The following CDH7 variants were observed in gnomAD, a reference collection of about 807,000 sequenced individuals.
CDH7 encodes the protein cadherin-7.
A neutral mutation model predicts 71.8 loss-of-function variants in CDH7; 25 were observed. The observed-to-expected ratio is 0.35, with a 90% CI of 0.25 to 0.49. CDH7 has a LOEUF of 0.49. Ranked by LOEUF, CDH7 falls within the 20% of genes least tolerant of loss-of-function variation. The pLI, the probability that CDH7 is intolerant of heterozygous loss-of-function variation, is 0.99. For missense variants in CDH7, 862 were observed against 974.6 expected, an observed-to-expected ratio of 0.88 and a Z score of 1.54; for synonymous variants, 381 against 363.8, an observed-to-expected ratio of 1.05 and a Z score of -0.54.
intron 5 of CDH7, among the ~76,000 whole-genome samples, chr18:65,823,894 G>A (rs761713663): frequency 6.6e-6 from 1 of 151,726 alleles, no homozygotes; most frequent in Non-Finnish European, 1.5e-5. Flanking sequence ...AGCATGCTGC[G>A]GTGTTTCGTC....
Position 65,889,864 on chromosome 18 carries a change from G to A in CDH7, c.*8970G>A, listed in dbSNP as rs866882605. ...AACATAAGGGACAAGGATAAAATAC[G>A]GAGTTTAACGTGCTTATAACCAGTG... On this transcript the variant is annotated 3_prime_UTR_variant, in exon 12 of 12. Coordinates refer to ENST00000397968, the MANE Select transcript of CDH7 (RefSeq NM_004361.5). The A allele has an allele frequency of 1.3e-5, 2 of 152,146 alleles. No homozygotes were observed. The highest frequency in any genetic ancestry group is 2.9e-5 in the Non-Finnish European group (2 of 68,022). 9.4% of individuals were successfully genotyped at this position (152,146 alleles called of 1,614,324 possible).
intron 2 of CDH7, among the ~76,000 whole-genome samples, chr18:65,790,259 ATATCTATG>A (rs1489585857): frequency 6.7e-6 from 1 of 148,978 alleles, no homozygotes; most frequent in Non-Finnish European, 1.5e-5. Context: ...TGCCTGAGGG[ATATCTATG>A]TGGAGGTGTG....
In CDH7 at chr18:65,818,470, T is replaced by G. The variant is rs1911801112; in HGVS notation, c.626-3611T>G. ...TAACATAACAGGTGATCATATTGCA[T>G]TAAAATATTCAATCGTGTCTTTAAT... On this transcript the variant is annotated intron_variant, in intron 4 of 11. Coordinates refer to ENST00000397968, the MANE Select transcript of CDH7 (RefSeq NM_004361.5). Among the ~76,000 whole-genome samples the G allele has an allele frequency of 2.0e-5, 3 of 152,192 alleles. 1 individual carries two copies. The highest frequency in any genetic ancestry group is 2.0e-4 in the Admixed American group (3 of 15,284).
In CDH7 at chr18:65,880,937, G is replaced by A; in HGVS notation, c.*43G>A. The A allele has an allele frequency of 1.3e-6, 2 of 1,513,834 alleles. No individual in the cohort carries two copies. Among genetic ancestry groups the A allele is most frequent in the East Asian group, 2.3e-5 (1 of 43,576 alleles). 93.8% of individuals were successfully genotyped at this position (1,513,834 alleles called of 1,614,324 possible). A position where few individuals can be genotyped will look rare whatever the true frequency, so the allele number is the denominator to read the frequency against. ...GAAATGTACTGAAGAAAAAGTAACA[G>A]CAAAAAATAAAATAAAATGAAATAA... On this transcript the variant is annotated 3_prime_UTR_variant, in exon 12 of 12. Coordinates refer to ENST00000397968, the MANE Select transcript of CDH7 (RefSeq NM_004361.5).
rs1475469530 is a variant in CDH7 at position 65,882,403 on chromosome 18, T to C, written c.*1509T>C. On this transcript the variant is annotated 3_prime_UTR_variant, in exon 12 of 12. Coordinates refer to ENST00000397968, the MANE Select transcript of CDH7 (RefSeq NM_004361.5). Reference sequence around the variant, plus strand: ...CTTCCTTTCTCCTTTTAAAAATAATTCATTGTTGGGTTCCTAATACATTTA... The same window carrying C: ...CTTCCTTTCTCCTTTTAAAAATAATCCATTGTTGGGTTCCTAATACATTTA... The C allele has an allele frequency of 6.6e-6, 1 of 152,174 alleles. No individual in the cohort carries two copies. Among genetic ancestry groups the C allele is most frequent in the Non-Finnish European group, 1.5e-5 (1 of 67,998 alleles). 9.4% of individuals were successfully genotyped at this position (152,174 alleles called of 1,614,324 possible).
chr18:65,759,190 G>A (rs1916115214), intron 1 of CDH7, among the ~76,000 whole-genome samples: 1 of 150,806 alleles, frequency 6.6e-6, no homozygotes, highest in Non-Finnish European at 1.5e-5. Flanking sequence ...CAAGTCAAAT[G>A]TTTATTTTAC....
chr18:65,789,957 C>T (rs1219040991), intron 2 of CDH7, among the ~76,000 whole-genome samples: 3 of 150,842 alleles, frequency 2.0e-5, no homozygotes, highest in East Asian at 2.0e-4. Flanking sequence ...AGGCTGGGCG[C>T]GGTGGCTCAC....
intron 7 of CDH7, among the ~76,000 whole-genome samples, chr18:65,848,775 CTAA>C (rs750446291): frequency 2.0e-5 from 3 of 152,006 alleles, no homozygotes; most frequent in Non-Finnish European, 4.4e-5. Flanking sequence ...TTAAGCATTT[CTAA>C]TAATCTAAAT....
chr18:65,884,047 G>T lies in CDH7; in HGVS notation c.*3153G>T, dbSNP rs1248218932. The T allele has an allele frequency of 6.6e-6, 1 of 151,982 alleles. No homozygotes were observed. Among genetic ancestry groups the T allele is most frequent in the Non-Finnish European group, 1.5e-5 (1 of 67,954 alleles). 9.4% of individuals were successfully genotyped at this position (151,982 alleles called of 1,614,324 possible). A position where few individuals can be genotyped will look rare whatever the true frequency, so the allele number is the denominator to read the frequency against. On this transcript the variant is annotated 3_prime_UTR_variant, in exon 12 of 12. Coordinates refer to ENST00000397968, the MANE Select transcript of CDH7 (RefSeq NM_004361.5). ...GGGTTTGCCAAATTATGCCCATTTT[G>T]AACAGTTTAATTTATTGAAAAATCA...
chr18:65,865,421 G>C (rs1426778410), intron 11 of CDH7: 2 of 152,058 alleles, frequency 1.3e-5, no homozygotes, highest in African/African-American at 4.8e-5. Context: ...CACCAAATTT[G>C]GAATATCTCT....
At chr18:65,774,624 G>A (rs1237910918) in intron 2 of CDH7, among the ~76,000 whole-genome samples, 1 of 140,344 alleles carries the variant, frequency 7.1e-6, no homozygotes, top group Non-Finnish European at 1.5e-5. Context: ...CGATTTCCTC[G>A]GGGCCGTCAT....
chr18:65,768,940 CT>C (rs781499591), intron 2 of CDH7, among the ~76,000 whole-genome samples: 40 of 148,152 alleles, frequency 2.7e-4, no homozygotes, highest in East Asian at 1.2e-3. Flanking sequence ...TTTCTCTCTC[CT>C]TTTTTTTTTC....
chr18:65,879,377 G>A (rs566254251), intron 11 of CDH7, among the ~76,000 whole-genome samples: 22 of 152,162 alleles, frequency 1.4e-4, no homozygotes, highest in South Asian at 8.3e-4. Context: ...GAAAAAAATC[G>A]TAAGCTGATG....
At chr18:65,837,863 T>C (rs1403297866) in intron 6 of CDH7, among the ~76,000 whole-genome samples, 2 of 151,948 alleles carry the variant, frequency 1.3e-5, no homozygotes, top group African/African-American at 2.4e-5. Context: ...TTAAACCTCA[T>C]CCAAGGTTGT....
chr18:65,750,443 G>C (rs1002999034), upstream of CDH7: 2 of 152,250 alleles, frequency 1.3e-5, no homozygotes, highest in Non-Finnish European at 2.9e-5. Flanking sequence ...CGTGCTTTCA[G>C]ATGCAAATGC....
intron 10 of CDH7, among the ~76,000 whole-genome samples, chr18:65,861,403 C>T (rs1158666016): frequency 1.7e-5 from 2 of 118,518 alleles, no homozygotes; most frequent in African/African-American, 1.1e-4. Flanking sequence ...CAACAACTTT[C>T]TAAAACTTTT....
At chr18:65,808,546 T>C (rs1911408462) in intron 2 of CDH7, among the ~76,000 whole-genome samples, 1 of 152,202 alleles carries the variant, frequency 6.6e-6, no homozygotes, top group Non-Finnish European at 1.5e-5. Context: ...TTCAAGTACT[T>C]GGAAGCAGAG....
chr18:65,778,490 TGAGCA>T (rs747444765), intron 2 of CDH7, among the ~76,000 whole-genome samples: 2 of 143,246 alleles, frequency 1.4e-5, no homozygotes, highest in Non-Finnish European at 3.0e-5. Context: ...ACTCTGAGAG[TGAGCA>T]CCTTTTAAAA....
rs374790506 is a variant in CDH7 at position 65,780,070 on chromosome 18, C to T, written c.210+17018C>T. On this transcript the variant is annotated intron_variant, in intron 2 of 11. Transcript: ENST00000397968. Reference sequence around the variant, plus strand: ...TGATGGCCAGTGATGATGAGCATTTCTTCATGTGTTTTTTGGCTGCATAAA... The same window carrying T: ...TGATGGCCAGTGATGATGAGCATTTTTTCATGTGTTTTTTGGCTGCATAAA... Among the ~76,000 whole-genome samples, 14 of 106,154 alleles carry T rather than the reference C, an allele frequency of 1.3e-4. 2 individuals are homozygous for T. Among genetic ancestry groups the T allele is most frequent in the Admixed American group, 2.5e-4 (3 of 12,110 alleles). The allele number at this position is 106,154 out of a possible 152,430, so 69.6% of individuals were successfully genotyped here.
Sources: allele counts gnomAD v4.1 joint callset (sites outside exome capture counted in the v4.1 genomes callset), GRCh38; gene constraint gnomAD v4.1.1; transcripts MANE v1.5; gene names NCBI Gene and HGNC (gene_info 2026-07-23, HGNC 2026-07-21).